The following IGF2R variants were observed in gnomAD, a reference collection of about 807,000 sequenced individuals.
The protein encoded by IGF2R is cation-independent mannose-6-phosphate receptor.
A neutral mutation model predicts 270.6 loss-of-function variants in IGF2R; 91 were observed. The observed-to-expected ratio is 0.34, with a 90% confidence interval of 0.28 to 0.40. IGF2R has a LOEUF of 0.40. IGF2R is among the 10% of genes least tolerant of loss of function. The pLI is 1.00. For missense variants in IGF2R, 2,805 were observed against 3,188.3 expected (o/e 0.88, Z 2.90); for synonymous variants, 1,316 against 1,258.9 (o/e 1.05, Z -0.96).
intron 2 of IGF2R, chr6:160,003,238 A>AT (rs1784157701): frequency 6.6e-6 from 1 of 152,226 alleles, no homozygotes; most frequent in African/African-American, 2.4e-5. Context: ...TCTTTGACTC[A>AT]TAAGATGTGA....
intron 1 of IGF2R, among the ~76,000 whole-genome samples, chr6:159,974,736 A>G (rs1783663132): frequency 6.6e-6 from 1 of 152,094 alleles, no homozygotes; most frequent in Admixed American, 6.5e-5. Flanking sequence ...GTGGTAACAA[A>G]TAAAAATGTC....
intron 4 of IGF2R, among the ~76,000 whole-genome samples, chr6:160,012,230 A>C (rs1784345245): frequency 6.6e-6 from 1 of 152,162 alleles, no homozygotes; most frequent in Admixed American, 6.5e-5. Flanking sequence ...AACTTAGGTG[A>C]AGCTGTTAGA....
In IGF2R at chr6:160,004,090, T is replaced by C. The variant is rs945717055; in HGVS notation, c.290-4920T>C. 6 of 152,174 alleles carry C rather than the reference T, an allele frequency of 3.9e-5. No individual in the cohort carries two copies. Among genetic ancestry groups the C allele is most frequent in the Non-Finnish European group, 8.8e-5 (6 of 68,036 alleles). 9.4% of individuals were successfully genotyped at this position (152,174 alleles called of 1,614,324 possible). ...AGGTTAAAAAATTGGATGAGTATTTTTTTTTTTAATTTGGCAAAATAGCGT... is the reference window on the plus strand; with the variant it reads ...AGGTTAAAAAATTGGATGAGTATTTCTTTTTTTAATTTGGCAAAATAGCGT... On this transcript the variant is annotated intron_variant, in intron 2 of 47. Coordinates refer to ENST00000356956, the MANE Select transcript of IGF2R (RefSeq NM_000876.4). The surrounding 1 kb of genome is among the most constrained non-coding windows in gnomAD (Gnocchi z 5.2).
At chr6:160,047,088 C>T (rs1398084365) in intron 15 of IGF2R, 71 bp from the exon 16 acceptor site, 9 of 1,467,872 alleles carry the variant, frequency 6.1e-6, no homozygotes, top group South Asian at 1.1e-5. Flanking sequence ...CGGGCCCTCC[C>T]TTCAGTGTGG....
chr6:160,105,152 C>A lies in IGF2R; in HGVS notation c.*68C>A. ...AAGCACCTCCAACCAAATAAGACTTCCACTCGATGATGCTTCTATAATTTT... is the reference window on the plus strand; with the variant it reads ...AAGCACCTCCAACCAAATAAGACTTACACTCGATGATGCTTCTATAATTTT... On this transcript the variant is annotated 3_prime_UTR_variant, in exon 48 of 48. Transcript: ENST00000356956. 7.7e-7 allele frequency: 1 copy of A among 1,306,940 alleles called. No individual in the cohort carries two copies. The highest frequency in any genetic ancestry group is 1.0e-6 in the Non-Finnish European group (1 of 967,350). 81.0% of individuals were successfully genotyped at this position (1,306,940 alleles called of 1,614,324 possible).
chr6:159,983,622 A>G (rs765905222), intron 1 of IGF2R, among the ~76,000 whole-genome samples: 3 of 152,226 alleles, frequency 2.0e-5, no homozygotes, highest in East Asian at 1.9e-4. Flanking sequence ...GAGATCTTCT[A>G]AAGTCATTTG....
intron 7 of IGF2R, among the ~76,000 whole-genome samples, chr6:160,032,071 C>T (rs1021200295): frequency 6.6e-6 from 1 of 152,158 alleles, no homozygotes; most frequent in South Asian, 2.1e-4. Flanking sequence ...GGTTGTGGAC[C>T]GTGTCTCTGG....
chr6:160,095,847 A>G (rs1779344678), intron 44 of IGF2R: 1 of 152,528 alleles, frequency 6.6e-6, no homozygotes, highest in Non-Finnish European at 1.5e-5. Context: ...AAGCTATTGA[A>G]GATGTGTACA....
chr6:159,995,910 T>G (rs1348112448), intron 2 of IGF2R, among the ~76,000 whole-genome samples: 1 of 151,334 alleles, frequency 6.6e-6, no homozygotes, highest in Non-Finnish European at 1.5e-5. Flanking sequence ...TTTTTTTTTT[T>G]TTTTTAATAC....
intron 1 of IGF2R, among the ~76,000 whole-genome samples, chr6:159,985,857 A>G (rs750424068): frequency 6.6e-6 from 1 of 152,090 alleles, no homozygotes; most frequent in African/African-American, 2.4e-5. Flanking sequence ...AATGACATAG[A>G]ATAGCAAAGA....
Position 160,058,956 on chromosome 6 carries a change from T to G in IGF2R, c.2949T>G (p.Pro983=). 6.2e-7 allele frequency: 1 copy of G among 1,614,188 alleles called. No homozygotes were observed. The highest frequency in any genetic ancestry group is 1.1e-5 in the South Asian group (1 of 91,086). The change falls in exon 22 of 48, where the codon CCT becomes CCG. Residue 983 remains proline (P), a synonymous_variant. Transcript: ENST00000356956. ...TCTGTGGGACCATCCTGGGAAAACCTGCTTCTGGCTGTGAGGCAGAAACCC... is the reference window on the plus strand; with the variant it reads ...TCTGTGGGACCATCCTGGGAAAACCGGCTTCTGGCTGTGAGGCAGAAACCC... ...MPVCGTILGK[P]ASGCEAETQT...
At chr6:160,089,777 C>T (rs1172714508) in intron 43 of IGF2R, 139 bp from the exon 44 acceptor site, 1 of 545,876 alleles carries the variant, frequency 1.8e-6, no homozygotes, top group Admixed American at 3.7e-5. Context: ...AGACGTGCTG[C>T]CCTAGCGTGT....
chr6:159,979,580 G>A (rs1019831036), intron 1 of IGF2R, among the ~76,000 whole-genome samples: 5 of 152,210 alleles, frequency 3.3e-5, no homozygotes, highest in African/African-American at 1.2e-4. Flanking sequence ...AGAGTCGGGG[G>A]TTGGGCCCTG....
At position 160,078,242 on chromosome 6, in the gene IGF2R, G is replaced by T; in HGVS notation, c.5358G>T (p.Val1786=). 1 of 1,614,242 alleles carries T rather than the reference G, an allele frequency of 6.2e-7. No individual in the cohort carries two copies. Among genetic ancestry groups the T allele is most frequent in the Non-Finnish European group, 8.5e-7 (1 of 1,180,038 alleles). The change falls in exon 37 of 48, where the codon GTG becomes GTT. Residue 1786 remains valine, a synonymous_variant. Coordinates refer to ENST00000356956, the MANE Select transcript of IGF2R (RefSeq NM_000876.4). ...TAAGGACCAGCGAGTGCGACTTTGT[G>T]TTCGAATGGGAGACTCCTGTCGTCT... ...KLLRTSECDF[V]FEWETPVVCP...
intron 4 of IGF2R, among the ~76,000 whole-genome samples, chr6:160,020,393 C>T (rs1237780152): frequency 6.6e-6 from 1 of 152,116 alleles, no homozygotes; most frequent in Non-Finnish European, 1.5e-5. Context: ...TCCACAGATT[C>T]AATGCAATTC....
At chr6:159,993,232 A>G (rs1296583682) in intron 2 of IGF2R, among the ~76,000 whole-genome samples, 3 of 152,062 alleles carry the variant, frequency 2.0e-5, no homozygotes, top group Non-Finnish European at 4.4e-5. Flanking sequence ...GAAGCTTTTT[A>G]GTTTAATTAA....
intron 1 of IGF2R, among the ~76,000 whole-genome samples, chr6:159,976,369 T>C (rs1160423475): frequency 6.6e-6 from 1 of 152,144 alleles, no homozygotes; most frequent in African/African-American, 2.4e-5. Context: ...TTCCTGATGT[T>C]TACTTGTGTA....
chr6:160,068,315 C>T lies in IGF2R; in HGVS notation c.4182C>T (p.Ile1394=), dbSNP rs140132376. ...GGTACAGTGACAACTGGGAAGCCAT[C>T]ACTGGGACGGGGGACCCGGAGCACT... ...LSRYSDNWEA[I]TGTGDPEHYL... is the part of the protein sequence containing the mutation. The change falls in exon 30 of 48, where the codon ATC becomes ATT. Residue 1394 remains isoleucine, a synonymous_variant. Transcript: ENST00000356956. The T allele has an allele frequency of 8.1e-6, 13 of 1,614,248 alleles. No homozygotes were observed. In the African/African-American group the frequency reaches 1.3e-4, roughly 17 times the overall value.
At chr6:160,054,114 T>C (rs1002728309) in intron 19 of IGF2R, among the ~76,000 whole-genome samples, 1 of 152,242 alleles carries the variant, frequency 6.6e-6, no homozygotes, top group South Asian at 2.1e-4. Flanking sequence ...TCTGACAGGC[T>C]GGGAAGTGTA....
Sources: gnomAD v4.1 joint callset for allele counts (sites outside exome capture counted in the v4.1 genomes callset) on GRCh38, gnomAD v4.1.1 for gene constraint, Gnocchi (gnomAD v3.1) non-coding constraint, MANE v1.5 for transcripts, NCBI Gene and HGNC (gene_info 2026-07-23, HGNC 2026-07-21) for gene names.